Variants in SLCO1B1 observed in about 807,000 individuals in gnomAD.
The protein encoded by SLCO1B1 is OATP-2.
In SLCO1B1, 81 loss-of-function variants were observed where a neutral mutation model predicts 70.1. That is an observed-to-expected ratio of 1.16 (90% CI 0.97 to 1.39). The LOEUF is 1.39. Among genes scored for constraint, SLCO1B1 ranks in the 40% most tolerant of loss-of-function variants. The pLI, the probability that SLCO1B1 is intolerant of heterozygous loss-of-function variation, is 0.00. For missense variants in SLCO1B1, 895 were observed against 799.6 expected (o/e 1.12, Z -1.44); for synonymous variants, 283 against 271.5 (o/e 1.04, Z -0.42).
Position 21,238,994 on chromosome 12 carries a change from C to A in SLCO1B1, c.1881C>A (p.Gly627=). The change falls in exon 15 of 15, where the codon GGC becomes GGA. Residue 627 remains glycine (G), a synonymous_variant. Coordinates refer to ENST00000256958, the MANE Select transcript of SLCO1B1 (RefSeq NM_006446.5). ...ATTTCTACAGAAGGGTCTACTTGGG[C>A]TTGTCTTCAATGTTAAGAGTCTCAT... ...NSTSFSRVYL[G]LSSMLRVSSL... 1 of 1,572,374 alleles carries A rather than the reference C, an allele frequency of 6.4e-7. No homozygotes were observed. The highest frequency in any genetic ancestry group is 8.7e-7 in the Non-Finnish European group (1 of 1,145,294).
chr12:21,188,870 T>C (rs369319366), intron 7 of SLCO1B1, among the ~76,000 whole-genome samples: 4 of 152,234 alleles, frequency 2.6e-5, no homozygotes, highest in Non-Finnish European at 4.4e-5. Context: ...TCATGTAGTA[T>C]ATGTCCTTCT....
Position 21,141,591 on chromosome 12 carries a change from A to T in SLCO1B1, c.17A>T (p.His6Leu). Residue 6 changes from histidine (H) to leucine (L), a missense_variant, in exon 2 of 15, where the codon CAT (histidine) becomes CTT (leucine). His to Leu is a moderately conservative substitution (Grantham distance 99). Coordinates refer to ENST00000256958, the MANE Select transcript of SLCO1B1 (RefSeq NM_006446.5). MDQNQHLNKTAEAQPS... is the reference protein window; with the variant it reads MDQNQLLNKTAEAQPS... ...ATTTCAATCATGGACCAAAATCAAC[A>T]TTTGAATAAAACAGCAGAGGCACAA... 6.2e-7 allele frequency: 1 copy of T among 1,608,022 alleles called. No individual in the cohort carries two copies. The highest frequency in any genetic ancestry group is 2.2e-5 in the East Asian group (1 of 44,626).
At position 21,217,088 on chromosome 12, in the gene SLCO1B1, C is replaced by G. The variant is rs1209246766; in HGVS notation, c.1498-31C>G. ...CAGCACTGTTAGGTCTTGCAAATTT[C>G]TTATGTCATATTTTATACACAACGC... On this transcript the variant is annotated intron_variant, in intron 11 of 14. Transcript: ENST00000256958. 3 of 1,593,930 alleles carry G rather than the reference C, an allele frequency of 1.9e-6. No individual in the cohort carries two copies. In the African/African-American group the frequency reaches 4.0e-5, roughly 21 times the overall value.
intron 10 of SLCO1B1, among the ~76,000 whole-genome samples, chr12:21,204,876 C>T (rs1317356213): frequency 2.0e-5 from 3 of 151,696 alleles, no homozygotes; most frequent in Non-Finnish European, 4.4e-5. Flanking sequence ...TACTCATCCT[C>T]ATGACCTTAT....
chr12:21,197,278 C>T (rs1024183344), intron 8 of SLCO1B1, 90 bp downstream of exon 8: 3 of 1,441,616 alleles, frequency 2.1e-6, no homozygotes, highest in Admixed American at 1.9e-5. Flanking sequence ...GCATACCCAA[C>T]TCATCTGGAG....
At position 21,229,324 on chromosome 12, in the gene SLCO1B1, CAT is replaced by C. The variant is rs200875545; in HGVS notation, c.1865+4490_1865+4491del. Among the ~76,000 whole-genome samples the C allele has an allele frequency of 6.2e-3, 940 of 152,254 alleles. 12 individuals are homozygous for C. Among genetic ancestry groups the C allele is most frequent in the African/African-American group, 0.021 (890 of 41,544 alleles). ...ATGGGTTTGGACAAATGCATAATGA[CAT>C]ATATCCACCATTACAGTATTATACA... On this transcript the variant is annotated intron_variant, in intron 14 of 14. Coordinates refer to ENST00000256958, the MANE Select transcript of SLCO1B1 (RefSeq NM_006446.5).
At chr12:21,203,229 G>T (rs1941177944) in intron 10 of SLCO1B1, among the ~76,000 whole-genome samples, 1 of 151,756 alleles carries the variant, frequency 6.6e-6, no homozygotes, top group South Asian at 2.1e-4. Context: ...AGCTAATATT[G>T]TTTTTTTCTG....
intron 2 of SLCO1B1, among the ~76,000 whole-genome samples, chr12:21,152,067 AT>A (rs1445552245): frequency 2.6e-5 from 4 of 151,178 alleles, no homozygotes; most frequent in African/African-American, 7.3e-5. Flanking sequence ...CTTTGTTCTG[AT>A]TTTTTTGTCT....
intron 14 of SLCO1B1, among the ~76,000 whole-genome samples, chr12:21,232,494 G>C (rs117493552): frequency 3.2e-4 from 48 of 152,236 alleles, no homozygotes; most frequent in African/African-American, 1.1e-3. Flanking sequence ...GTTTGTAACC[G>C]ACCAGCCCAA....
At chr12:21,194,263 C>T (rs1169625067) in intron 7 of SLCO1B1, among the ~76,000 whole-genome samples, 2 of 152,122 alleles carry the variant, frequency 1.3e-5, no homozygotes, top group African/African-American at 4.8e-5. Context: ...ATGATCCACC[C>T]GTCTCAGCCT....
intron 2 of SLCO1B1, among the ~76,000 whole-genome samples, chr12:21,153,055 G>A (rs1049335428): frequency 2.6e-5 from 4 of 152,130 alleles, no homozygotes; most frequent in Non-Finnish European, 5.9e-5. Context: ...CTGTTCATGA[G>A]TCTCTACTGC....
intron 5 of SLCO1B1, 28 bp downstream of exon 5, chr12:21,176,925 T>C (rs1483847533): frequency 6.7e-7 from 1 of 1,493,724 alleles, no homozygotes; most frequent in Non-Finnish European, 9.3e-7. Context: ...CAGTAAAAAG[T>C]CTTCTAAAAT....
chr12:21,143,186 T>C (rs1219351886), intron 2 of SLCO1B1, among the ~76,000 whole-genome samples: 1 of 152,110 alleles, frequency 6.6e-6, no homozygotes, highest in Non-Finnish European at 1.5e-5. Flanking sequence ...TTACTTTTTA[T>C]TCATGAGAAA....
chr12:21,202,567 CG>C lies in SLCO1B1; in HGVS notation c.1213del (p.Val405LeufsTer12). On this transcript the variant is annotated frameshift_variant, in exon 10 of 15. Coordinates refer to ENST00000256958, the MANE Select transcript of SLCO1B1 (RefSeq NM_006446.5). LOFTEE classifies it high-confidence loss of function. The part of the protein sequence containing the change: ...YIIKKFKLNT[V>X]GIAKFSCFTA... Reference sequence around the variant, plus strand: ...TCATTAAAAAATTCAAACTGAACACCGTTGGAATTGCCAAATTCTCATGTTT... The same window carrying C: ...TCATTAAAAAATTCAAACTGAACACCTTGGAATTGCCAAATTCTCATGTTT... The C allele has an allele frequency of 6.2e-7, 1 of 1,611,758 alleles. No homozygotes were observed. The highest frequency in any genetic ancestry group is 8.5e-7 in the Non-Finnish European group (1 of 1,178,650).
chr12:21,166,184 AAT>A (rs1940683084), intron 2 of SLCO1B1, among the ~76,000 whole-genome samples: 1 of 152,160 alleles, frequency 6.6e-6, no homozygotes, highest in Non-Finnish European at 1.5e-5. Flanking sequence ...ATATGATCTC[AAT>A]ATCGTAGAAG....
At chr12:21,174,857 T>G (rs979688419) in intron 4 of SLCO1B1, 148 bp downstream of exon 4, 3 of 739,054 alleles carry the variant, frequency 4.1e-6, no homozygotes, top group Non-Finnish European at 6.6e-6. Context: ...AGTGTCTATT[T>G]GTCTACATAA....
intron 2 of SLCO1B1, among the ~76,000 whole-genome samples, chr12:21,146,732 T>A (rs1940387962): frequency 6.6e-6 from 1 of 152,176 alleles, no homozygotes; most frequent in Admixed American, 6.5e-5. Flanking sequence ...CTCCACATAT[T>A]TTGGTATTTT....
At chr12:21,211,191 G>C (rs1424206628) in intron 11 of SLCO1B1, among the ~76,000 whole-genome samples, 2 of 152,164 alleles carry the variant, frequency 1.3e-5, no homozygotes, top group African/African-American at 4.8e-5. Flanking sequence ...GATATTGGCT[G>C]TGGGTTTGTC....
chr12:21,225,969 CAA>C lies in SLCO1B1; in HGVS notation c.1865+1131_1865+1132del, dbSNP rs1417647995. On this transcript the variant is annotated intron_variant, in intron 14 of 14. Transcript: ENST00000256958. The stretch of plus-strand genomic sequence containing the variant: ...TTGCATATGAAAAAATGGAAGCAAA[CAA>C]GATGTCTTTCAATAGGTGAATGGAT... Among the ~76,000 whole-genome samples, 6 of 152,142 alleles carry C rather than the reference CAA, an allele frequency of 3.9e-5. No individual in the cohort carries two copies. The East Asian group carries it at 1.2e-3, about 29-fold the overall frequency.
Sources: allele counts gnomAD v4.1 joint callset (sites outside exome capture counted in the v4.1 genomes callset), GRCh38; gene constraint gnomAD v4.1.1; transcripts MANE v1.5; gene names NCBI Gene and HGNC (gene_info 2026-07-23, HGNC 2026-07-21).